TNFRSF13B: variants seen among roughly 807,000 people sequenced by gnomAD.
The protein encoded by TNFRSF13B is TNF receptor superfamily member 13B.
Under a neutral mutation model 24.0 loss-of-function variants are expected in TNFRSF13B, and 34 were observed. That is an observed-to-expected ratio of 1.41 (90% CI 1.08 to 1.88). TNFRSF13B has a LOEUF of 1.88. TNFRSF13B is among the 40% of genes most tolerant of loss of function. The pLI, the probability that TNFRSF13B is intolerant of heterozygous loss-of-function variation, is 0.00. For missense variants in TNFRSF13B, 415 were observed against 380.8 expected (o/e 1.09, Z -0.75); for synonymous variants, 173 against 150.3 (o/e 1.15, Z -1.10).
chr17:16,971,711 C>T (rs56172143), intron 1 of TNFRSF13B, among the ~76,000 whole-genome samples: 1,561 of 152,192 alleles, frequency 0.01, 9 homozygotes, highest in Non-Finnish European at 0.016. Context: ...TTAAAATGGT[C>T]CAGCGGGCAT....
chr17:16,966,363 C>T (rs2087699469), intron 1 of TNFRSF13B, among the ~76,000 whole-genome samples: 1 of 151,504 alleles, frequency 6.6e-6, no homozygotes, highest in African/African-American at 2.4e-5. Flanking sequence ...AAAACAGGCA[C>T]AAAACCTTTG....
intron 3 of TNFRSF13B, among the ~76,000 whole-genome samples, chr17:16,944,338 C>T (rs1322788357): frequency 1.3e-5 from 2 of 152,176 alleles, no homozygotes; most frequent in Non-Finnish European, 2.9e-5. Flanking sequence ...GCAGTTCCAG[C>T]GCACAGAGCA....
At chr17:16,964,662 A>G (rs562796147) in intron 1 of TNFRSF13B, among the ~76,000 whole-genome samples, 62 of 152,250 alleles carry the variant, frequency 4.1e-4, no homozygotes, top group African/African-American at 1.5e-3. Context: ...TTCTAAAGGA[A>G]GAAGAACTTA....
rs2087595924 is a variant in TNFRSF13B, at chr17:16,952,503, T to C, written c.142A>G (p.Met48Val). The C allele has an allele frequency of 6.2e-7, 1 of 1,614,200 alleles. No individual in the cohort carries two copies. ...QYWDPLLGTC[M>V]SCKTICNHQS... is the part of the protein sequence containing the mutation. ...TGGTTGCAAATGGTTTTGCAGGACA[T>C]GCAGGTACCCAGCAGAGGATCCCAG... The change falls in exon 2 of 5, where the codon ATG (methionine) becomes GTG (valine). Residue 48 changes from methionine to valine, a missense_variant. Met to Val is a conservative substitution (Grantham distance 21). Coordinates refer to ENST00000261652, the MANE Select transcript of TNFRSF13B (RefSeq NM_012452.3).
chr17:16,958,204 A>T (rs920544381), intron 1 of TNFRSF13B, among the ~76,000 whole-genome samples: 3 of 152,130 alleles, frequency 2.0e-5, no homozygotes, highest in African/African-American at 4.8e-5. Context: ...ATTAATTGTA[A>T]TCCCCAAGAA....
intron 1 of TNFRSF13B, among the ~76,000 whole-genome samples, chr17:16,963,888 C>T (rs1199433299): frequency 1.3e-5 from 2 of 152,134 alleles, no homozygotes; most frequent in African/African-American, 4.8e-5. Flanking sequence ...TGACTGCAAA[C>T]TTGGGCTGGG....
intron 3 of TNFRSF13B, chr17:16,940,749 C>A: frequency 7.0e-7 from 1 of 1,425,076 alleles, no homozygotes; most frequent in Non-Finnish European, 9.2e-7. Flanking sequence ...GTGAGCTAGG[C>A]CTTCTTGTTG....
chr17:16,949,638 C>T (rs2087574217), intron 2 of TNFRSF13B, among the ~76,000 whole-genome samples: 1 of 151,964 alleles, frequency 6.6e-6, no homozygotes. Flanking sequence ...ATAAAGAAAC[C>T]TATTTGGAAC....
At chr17:16,950,175 G>T (rs1212353552) in intron 2 of TNFRSF13B, among the ~76,000 whole-genome samples, 4 of 152,216 alleles carry the variant, frequency 2.6e-5, no homozygotes, top group Non-Finnish European at 5.9e-5. Context: ...TGGAGACAGT[G>T]CAGGATAGTG....
intron 1 of TNFRSF13B, among the ~76,000 whole-genome samples, chr17:16,953,401 A>T (rs1191320620): frequency 6.6e-6 from 1 of 152,200 alleles, no homozygotes; most frequent in African/African-American, 2.4e-5. Flanking sequence ...CAGCTTGGTG[A>T]AATTTGATGT....
chr17:16,969,671 T>C (rs2087730131), intron 1 of TNFRSF13B, among the ~76,000 whole-genome samples: 1 of 152,188 alleles, frequency 6.6e-6, no homozygotes, highest in African/African-American at 2.4e-5. Flanking sequence ...GTGAATTTCA[T>C]GGCATGTAAG....
chr17:16,947,733 C>T (rs1471957989), intron 3 of TNFRSF13B, among the ~76,000 whole-genome samples: 3 of 152,322 alleles, frequency 2.0e-5, no homozygotes, highest in African/African-American at 4.8e-5. Flanking sequence ...AAAGGGAACG[C>T]TTATACGCTG....
intron 1 of TNFRSF13B, among the ~76,000 whole-genome samples, chr17:16,963,564 T>C (rs1307806964): frequency 2.0e-5 from 3 of 152,180 alleles, no homozygotes; most frequent in Admixed American, 2.0e-4. Context: ...TTTTTGGTTT[T>C]TTCGAGACGG....
chr17:16,947,983 T>C (rs1454958291), intron 3 of TNFRSF13B, among the ~76,000 whole-genome samples: 1 of 152,172 alleles, frequency 6.6e-6, no homozygotes, highest in East Asian at 1.9e-4. Flanking sequence ...GAAAATGTGG[T>C]AAATATACAC....
At chr17:16,962,596 T>C (rs2087670374) in intron 1 of TNFRSF13B, among the ~76,000 whole-genome samples, 1 of 152,202 alleles carries the variant, frequency 6.6e-6, no homozygotes, top group Admixed American at 6.5e-5. Flanking sequence ...GGGCAATATT[T>C]ATATTGTCAT....
Position 16,948,993 on chromosome 17 carries a change from A to G in TNFRSF13B, c.200-10T>C, listed in dbSNP as rs2087569916. 6.2e-7 allele frequency: 1 copy of G among 1,613,920 alleles called. No individual in the cohort carries two copies. Among genetic ancestry groups the G allele is most frequent in the Admixed American group, 1.7e-5 (1 of 60,002 alleles). On this transcript the variant is annotated splice_polypyrimidine_tract_variant and intron_variant, in intron 2 of 4. Transcript: ENST00000261652. ...CGGCAGCTGAGTGACCCTGGGAGAG[A>G]GAAATTCATGATACTGCTGGGTGAC...
chr17:16,970,233 A>G (rs927122845), intron 1 of TNFRSF13B, among the ~76,000 whole-genome samples: 1 of 152,332 alleles, frequency 6.6e-6, no homozygotes, highest in African/African-American at 2.4e-5. Context: ...TTGAGAGAGA[A>G]GCTTCGTTGA....
intron 1 of TNFRSF13B, among the ~76,000 whole-genome samples, chr17:16,955,612 A>G (rs928868359): frequency 2.6e-4 from 40 of 152,248 alleles, no homozygotes; most frequent in African/African-American, 9.6e-4. Flanking sequence ...TCAATCAAGT[A>G]TCAGTGCAAT....
At chr17:16,962,591 A>G (rs539985685) in intron 1 of TNFRSF13B, among the ~76,000 whole-genome samples, 43 of 152,356 alleles carry the variant, frequency 2.8e-4, no homozygotes, top group African/African-American at 1.0e-3. Flanking sequence ...GCTGTGGGCA[A>G]TATTTATATT....
Sources: gnomAD v4.1 joint callset for allele counts (sites outside exome capture counted in the v4.1 genomes callset) on GRCh38, gnomAD v4.1.1 for gene constraint, MANE v1.5 for transcripts, NCBI Gene and HGNC (gene_info 2026-07-23, HGNC 2026-07-21) for gene names.